TMCO5A: variants seen among roughly 807,000 people sequenced by gnomAD.
TMCO5A encodes transmembrane and coiled-coil domain-containing protein 5A.
TMCO5A carries 34 observed loss-of-function variants against 42.3 expected under a neutral mutation model. That is an observed-to-expected ratio of 0.80 (90% CI 0.61 to 1.07). The LOEUF is 1.07. Ranked by LOEUF, TMCO5A falls within the 50% of genes least tolerant of loss-of-function variation. The pLI is 0.00. For missense variants in TMCO5A, 357 were observed against 327.9 expected (o/e 1.09, Z -0.69); for synonymous variants, 131 against 115.6 (o/e 1.13, Z -0.86).
chr15:38,012,673 A>T, the TMCO5A span, among the ~76,000 whole-genome samples: 5 of 152,176 alleles, frequency 3.3e-5, no homozygotes, highest in Admixed American at 2.0e-4. Flanking sequence ...AACAAAAATG[A>T]TATCTAAAAG....
At chr15:37,967,924 A>G (rs1890594584), downstream of TMCO5A, among the ~76,000 whole-genome samples, 1 of 152,182 alleles carries the variant, frequency 6.6e-6, no homozygotes, top group South Asian at 2.1e-4. Context: ...AACTGATCCT[A>G]CACAACGTGG....
chr15:38,032,269 T>G, the TMCO5A span, among the ~76,000 whole-genome samples: 1 of 152,226 alleles, frequency 6.6e-6, no homozygotes, highest in Non-Finnish European at 1.5e-5. Flanking sequence ...ATTGCTTTTA[T>G]GTATCAGCAT....
chr15:37,946,864 C>T (rs1182877693), intron 10 of TMCO5A, among the ~76,000 whole-genome samples: 3 of 152,058 alleles, frequency 2.0e-5, no homozygotes, highest in Non-Finnish European at 4.4e-5. Context: ...TTACTGATTG[C>T]CCTGGCCAGA....
intron 10 of TMCO5A, 148 bp downstream of exon 10, chr15:37,943,546 A>G (rs961731728): frequency 1.2e-4 from 81 of 653,322 alleles, no homozygotes; most frequent in Non-Finnish European, 1.5e-4. Flanking sequence ...GAGCATTCCA[A>G]CCCTAAACAA....
Position 37,936,894 on chromosome 15 carries a change from A to T in TMCO5A, c.188A>T (p.Glu63Val), listed in dbSNP as rs1050581627. ...ACGCGGGGCCTGGTGGAAGATGAAG[A>T]GTGGGAGAAGGAGAACCGCACCACG... The part of the protein sequence containing the change: ...IQTRGLVEDE[E>V]WEKENRTTME... Residue 63 changes from glutamate (E) to valine (V), a missense_variant, in exon 4 of 12, where the codon GAG becomes GTG. Transcript: ENST00000319669. The T allele has an allele frequency of 6.2e-7, 1 of 1,612,476 alleles. No individual in the cohort carries two copies. The highest frequency in any genetic ancestry group is 8.5e-7 in the Non-Finnish European group (1 of 1,179,182).
At chr15:37,998,191 G>A in the TMCO5A span, among the ~76,000 whole-genome samples, 1 of 152,096 alleles carries the variant, frequency 6.6e-6, no homozygotes, top group East Asian at 1.9e-4. Flanking sequence ...CTCTGTAGAA[G>A]CTTTTTAACT....
chr15:37,973,514 G>C, the TMCO5A span, among the ~76,000 whole-genome samples: 4 of 152,086 alleles, frequency 2.6e-5, no homozygotes, highest in Non-Finnish European at 5.9e-5. Context: ...TGTATTCCCA[G>C]TGATTTTATT....
At chr15:38,019,360 G>A in the TMCO5A span, among the ~76,000 whole-genome samples, 2 of 152,148 alleles carry the variant, frequency 1.3e-5, no homozygotes, top group African/African-American at 4.8e-5. Flanking sequence ...AAGCTAACTA[G>A]AATATTTATT....
the TMCO5A span, among the ~76,000 whole-genome samples, chr15:38,010,377 C>CT: frequency 9.5e-6 from 1 of 105,436 alleles, no homozygotes; most frequent in Non-Finnish European, 1.8e-5. Context: ...AGCGAGACTC[C>CT]GTCTCCAAAA....
downstream of TMCO5A, among the ~76,000 whole-genome samples, chr15:37,969,833 CCATT>C (rs1452686564): frequency 3.3e-5 from 5 of 152,116 alleles, no homozygotes; most frequent in African/African-American, 4.8e-5. Context: ...GCCTCAAACT[CCATT>C]CATGTTGCTG....
At chr15:37,973,967 A>G in the TMCO5A span, among the ~76,000 whole-genome samples, 12 of 152,200 alleles carry the variant, frequency 7.9e-5, no homozygotes, top group Non-Finnish European at 1.6e-4. Flanking sequence ...GGTTTTTAAC[A>G]TGAAAAGATT....
chr15:38,019,097 A>G, the TMCO5A span, among the ~76,000 whole-genome samples: 1 of 152,194 alleles, frequency 6.6e-6, no homozygotes, highest in Non-Finnish European at 1.5e-5. Context: ...GACTTCTGTA[A>G]AATGAAAAAT....
chr15:38,012,719 T>C, the TMCO5A span, among the ~76,000 whole-genome samples: 7 of 152,152 alleles, frequency 4.6e-5, no homozygotes, highest in African/African-American at 1.7e-4. Context: ...TGATGAGAAG[T>C]GATGTTCATG....
intron 11 of TMCO5A, among the ~76,000 whole-genome samples, chr15:37,965,645 G>A (rs768508520): frequency 1.3e-5 from 2 of 152,104 alleles, no homozygotes; most frequent in African/African-American, 4.8e-5. Flanking sequence ...ATGGCAAACA[G>A]GCATGTGAAA....
downstream of TMCO5A, chr15:37,951,434 C>T (rs1043392148): frequency 3.6e-6 from 2 of 560,910 alleles, no homozygotes; most frequent in Non-Finnish European, 6.3e-6. Flanking sequence ...TTATGTGGCT[C>T]TGTGGATCGG....
chr15:37,949,488 G>A (rs1890084933), intron 11 of TMCO5A, among the ~76,000 whole-genome samples: 2 of 152,042 alleles, frequency 1.3e-5, no homozygotes, highest in South Asian at 4.1e-4. Flanking sequence ...GTGGTATTGG[G>A]ACTGGAATAG....
At chr15:38,003,831 G>T in the TMCO5A span, among the ~76,000 whole-genome samples, 1 of 152,232 alleles carries the variant, frequency 6.6e-6, no homozygotes, top group Admixed American at 6.5e-5. Context: ...ATCGAGAAAT[G>T]CTGTCCAGGA....
the TMCO5A span, among the ~76,000 whole-genome samples, chr15:38,035,343 A>G: frequency 1.1e-4 from 17 of 152,222 alleles, no homozygotes; most frequent in Non-Finnish European, 1.9e-4. Flanking sequence ...ATATAGTGCC[A>G]TTTAGGCTTA....
the TMCO5A span, among the ~76,000 whole-genome samples, chr15:38,011,078 CTTAG>C: frequency 6.6e-6 from 1 of 152,204 alleles, no homozygotes; most frequent in Admixed American, 6.5e-5. Flanking sequence ...TGTGACAAAA[CTTAG>C]TTACTTAAAC....
Sources: gnomAD v4.1 joint callset for allele counts (sites outside exome capture counted in the v4.1 genomes callset) on GRCh38, gnomAD v4.1.1 for gene constraint, MANE v1.5 for transcripts, NCBI Gene and HGNC (gene_info 2026-07-23, HGNC 2026-07-21) for gene names.